The following ACYP2 variants were observed in gnomAD, a reference collection of about 807,000 sequenced individuals.
The protein encoded by ACYP2 is acylphosphatase 2.
A neutral mutation model predicts 11.2 loss-of-function variants in ACYP2; 12 were observed. That is an observed-to-expected ratio of 1.08 (90% CI 0.69 to 1.74). The LOEUF is 1.74. ACYP2 is among the 40% of genes most tolerant of loss of function. The probability of loss-of-function intolerance (pLI) is 0.00; values close to 1 mark genes in which losing one functional copy is unlikely to be tolerated. For synonymous variants in ACYP2, 43 were observed against 32.2 expected (o/e 1.33, Z -1.13); for missense variants, 134 against 101.9 (o/e 1.31, Z -1.35).
intron 6 of ACYP2, among the ~76,000 whole-genome samples, chr2:54,285,193 A>G (rs1211783235): frequency 1.3e-5 from 2 of 152,174 alleles, no homozygotes; most frequent in East Asian, 1.9e-4. Flanking sequence ...TGAGCTAATC[A>G]TCTCACAAAG....
intron 4 of ACYP2, among the ~76,000 whole-genome samples, chr2:54,128,154 G>C (rs539887753): frequency 2.4e-4 from 37 of 152,314 alleles, no homozygotes; most frequent in African/African-American, 8.9e-4. Context: ...GGCAAAAAAT[G>C]GTGGGGATGG....
At chr2:54,187,250 G>T (rs1477886137) in intron 6 of ACYP2, among the ~76,000 whole-genome samples, 1 of 152,200 alleles carries the variant, frequency 6.6e-6, no homozygotes, top group Non-Finnish European at 1.5e-5. Context: ...CAGGGGTTCA[G>T]ATTGCAGTGT....
chr2:54,143,963 G>A (rs954785746), intron 6 of ACYP2, among the ~76,000 whole-genome samples: 1 of 151,920 alleles, frequency 6.6e-6, no homozygotes, highest in African/African-American at 2.4e-5. Context: ...AATCTACCCT[G>A]TGGTAACTGG....
At chr2:54,092,363 T>G (rs1317650755) in intron 4 of ACYP2, among the ~76,000 whole-genome samples, 1 of 152,194 alleles carries the variant, frequency 6.6e-6, no homozygotes, top group East Asian at 1.9e-4. Flanking sequence ...AAGAATATAT[T>G]TGACACTCCG....
intron 2 of ACYP2, among the ~76,000 whole-genome samples, chr2:53,995,427 A>G (rs1672523312): frequency 6.6e-6 from 1 of 151,956 alleles, no homozygotes; most frequent in African/African-American, 2.4e-5. Flanking sequence ...AACTTAAAAT[A>G]TCTTCTTTAA....
At chr2:54,053,774 T>G (rs142916749) in intron 3 of ACYP2, among the ~76,000 whole-genome samples, 21 of 152,264 alleles carry the variant, frequency 1.4e-4, no homozygotes, top group Non-Finnish European at 2.1e-4. Flanking sequence ...GCTTTCATTC[T>G]ATCTTTAGAG....
At chr2:54,017,278 T>C (rs1377420600) in intron 2 of ACYP2, among the ~76,000 whole-genome samples, 9 of 146,858 alleles carry the variant, frequency 6.1e-5, no homozygotes, top group East Asian at 3.9e-4. Context: ...TTTTCTTTTT[T>C]TTTTTTTTTT....
chr2:54,211,625 A>C (rs1052471646), intron 6 of ACYP2, among the ~76,000 whole-genome samples: 1 of 152,158 alleles, frequency 6.6e-6, no homozygotes, highest in African/African-American at 2.4e-5. Context: ...TTTACTTTGG[A>C]AACTATGATG....
intron 6 of ACYP2, among the ~76,000 whole-genome samples, chr2:54,172,396 A>G (rs1217817160): frequency 6.6e-6 from 1 of 152,200 alleles, no homozygotes; most frequent in Non-Finnish European, 1.5e-5. Flanking sequence ...ATTTGTACCA[A>G]CTGAAGTGTT....
At chr2:54,177,576 A>ATTTTT (rs370517956) in intron 6 of ACYP2, among the ~76,000 whole-genome samples, 81 of 130,770 alleles carry the variant, frequency 6.2e-4, no homozygotes, top group South Asian at 6.1e-3. Flanking sequence ...GATACCTACT[A>ATTTTT]TTTTTTTTTT....
rs925948932 is a variant in ACYP2 at position 54,003,135 on chromosome 2, G to T, written c.62+29325G>T. 2.0e-4 allele frequency among the ~76,000 whole-genome samples: 31 copies of T among 151,778 alleles called. 1 individual carries two copies. Among genetic ancestry groups the T allele is most frequent in the African/African-American group, 7.5e-4 (31 of 41,298 alleles). ...AGCTAATTTTTTTATTTTTAATAAGGACAGGCTCTCACCATGTTGGCAGGC... is the reference window on the plus strand; with the variant it reads ...AGCTAATTTTTTTATTTTTAATAAGTACAGGCTCTCACCATGTTGGCAGGC... On this transcript the variant is annotated intron_variant, in intron 2 of 6. Transcript: ENST00000607452.
intron 6 of ACYP2, among the ~76,000 whole-genome samples, chr2:54,280,093 G>C (rs1023891696): frequency 6.6e-6 from 1 of 152,080 alleles, no homozygotes; most frequent in Non-Finnish European, 1.5e-5. Flanking sequence ...CACCATGATA[G>C]GAAAGTTACA....
chr2:54,296,455 C>T (rs1689528045), intron 6 of ACYP2, among the ~76,000 whole-genome samples: 1 of 152,078 alleles, frequency 6.6e-6, no homozygotes, highest in African/African-American at 2.4e-5. Context: ...TAGATTTTTC[C>T]TTAGTTATTT....
intron 4 of ACYP2, among the ~76,000 whole-genome samples, chr2:54,124,769 C>T (rs1680373748): frequency 6.6e-6 from 1 of 152,200 alleles, no homozygotes; most frequent in African/African-American, 2.4e-5. Flanking sequence ...AGTGTGATCA[C>T]AGCTCACTGC....
intron 2 of ACYP2, among the ~76,000 whole-genome samples, chr2:54,047,836 G>T (rs17045474): frequency 1.3e-5 from 2 of 152,024 alleles, no homozygotes; most frequent in Non-Finnish European, 2.9e-5. Context: ...ACAAAAGACC[G>T]CAGCTACCAT....
intron 6 of ACYP2, among the ~76,000 whole-genome samples, chr2:54,146,304 C>G (rs868236283): frequency 2.0e-5 from 3 of 152,234 alleles, no homozygotes; most frequent in Non-Finnish European, 4.4e-5. Flanking sequence ...TCCATTTTCA[C>G]AACCATCTGC....
chr2:54,294,023 A>G (rs1689421120), intron 6 of ACYP2, among the ~76,000 whole-genome samples: 1 of 152,190 alleles, frequency 6.6e-6, no homozygotes, highest in Admixed American at 6.5e-5. Context: ...CATGCATCAC[A>G]TTAGCTTTTA....
intron 2 of ACYP2, among the ~76,000 whole-genome samples, chr2:54,049,897 C>G (rs1400346219): frequency 6.6e-6 from 1 of 152,154 alleles, no homozygotes; most frequent in Non-Finnish European, 1.5e-5. Flanking sequence ...GCCCTAGAAT[C>G]AGTTATTTTC....
At chr2:54,078,095 C>T (rs1572703065) in intron 4 of ACYP2, among the ~76,000 whole-genome samples, 1 of 151,746 alleles carries the variant, frequency 6.6e-6, no homozygotes, top group Non-Finnish European at 1.5e-5. Context: ...TACAGGTGCT[C>T]ACCACCACAC....
Sources: gnomAD v4.1 joint callset for allele counts (sites outside exome capture counted in the v4.1 genomes callset) on GRCh38, gnomAD v4.1.1 for gene constraint, MANE v1.5 for transcripts, NCBI Gene and HGNC (gene_info 2026-07-23, HGNC 2026-07-21) for gene names.